The following TANGO6 variants were observed in gnomAD, a reference collection of about 807,000 sequenced individuals.
The protein encoded by TANGO6 is transport and Golgi organization protein 6 homolog.
In TANGO6, 90 loss-of-function variants were observed where a neutral mutation model predicts 114.2. The observed-to-expected ratio is 0.79, with a 90% CI of 0.66 to 0.94. The LOEUF (loss-of-function observed/expected upper bound fraction) is 0.94. TANGO6 is among the 40% of genes least tolerant of loss of function. The pLI is 0.00. For synonymous variants in TANGO6, 477 were observed against 509.8 expected (o/e 0.94, Z 0.87); for missense variants, 1,274 against 1,315.3 (o/e 0.97, Z 0.49).
intron 15 of TANGO6, among the ~76,000 whole-genome samples, chr16:68,994,285 AG>A (rs1163765305): frequency 2.6e-5 from 4 of 152,182 alleles, no homozygotes; most frequent in Non-Finnish European, 5.9e-5. Flanking sequence ...TGTTTTCTGA[AG>A]AAACAGAAAG....
chr16:69,020,885 C>T (rs1045345264), intron 15 of TANGO6, among the ~76,000 whole-genome samples: 2 of 141,912 alleles, frequency 1.4e-5, no homozygotes, highest in South Asian at 4.5e-4. Flanking sequence ...AGACCCACCC[C>T]CCCTTTATAT....
chr16:68,962,088 A>G (rs1963598375), intron 14 of TANGO6, among the ~76,000 whole-genome samples: 1 of 152,230 alleles, frequency 6.6e-6, no homozygotes, highest in Admixed American at 6.6e-5. Context: ...TGCTAGACGT[A>G]ATCATTTACT....
chr16:69,017,504 A>G (rs1264416874), intron 15 of TANGO6, among the ~76,000 whole-genome samples: 1 of 151,976 alleles, frequency 6.6e-6, no homozygotes, highest in Non-Finnish European at 1.5e-5. Context: ...TTCATTTTTT[A>G]TGTGCCTTCC....
chr16:68,925,858 G>GA (rs1963159728), intron 12 of TANGO6, among the ~76,000 whole-genome samples: 1 of 71,146 alleles, frequency 1.4e-5, no homozygotes, highest in Non-Finnish European at 2.4e-5. Flanking sequence ...ACCATTTGTT[G>GA]AAAAAACTGT....
intron 7 of TANGO6, among the ~76,000 whole-genome samples, chr16:68,890,495 T>C (rs1962597678): frequency 6.6e-6 from 1 of 152,216 alleles, no homozygotes; most frequent in Non-Finnish European, 1.5e-5. Flanking sequence ...TATCCAAGTT[T>C]CCTGACTACT....
intron 7 of TANGO6, among the ~76,000 whole-genome samples, chr16:68,887,073 G>A (rs1962549139): frequency 6.6e-6 from 1 of 152,240 alleles, no homozygotes; most frequent in African/African-American, 2.4e-5. Flanking sequence ...CTCCCATAGT[G>A]CTGGGATTAC....
At chr16:69,050,126 C>A (rs1959924773) in intron 17 of TANGO6, among the ~76,000 whole-genome samples, 1 of 151,652 alleles carries the variant, frequency 6.6e-6, no homozygotes, top group South Asian at 2.1e-4. Flanking sequence ...TATGGTAATT[C>A]TGTGTTTAAC....
chr16:68,982,949 G>T lies in TANGO6; in HGVS notation c.2842+8781G>T, dbSNP rs552354162. On this transcript the variant is annotated intron_variant, in intron 15 of 17. Coordinates refer to ENST00000261778, the MANE Select transcript of TANGO6 (RefSeq NM_024562.2). ...AAGGGATCAGAAGAGAAAATGAAGTGTTTTTTTTTTAAATACTTGGTTGCT... is the reference window on the plus strand; with the variant it reads ...AAGGGATCAGAAGAGAAAATGAAGTTTTTTTTTTTTAAATACTTGGTTGCT... 6.7e-5 allele frequency among the ~76,000 whole-genome samples: 10 copies of T among 148,226 alleles called. No individual in the cohort carries two copies. The Middle Eastern group carries it at 0.011, about 157-fold the overall frequency.
At chr16:68,931,662 T>C (rs1963241559) in intron 14 of TANGO6, among the ~76,000 whole-genome samples, 1 of 152,234 alleles carries the variant, frequency 6.6e-6, no homozygotes, top group African/African-American at 2.4e-5. Flanking sequence ...ATATTTTATA[T>C]GATTCCAGTT....
rs569539878 is a variant in TANGO6 at position 68,878,271 on chromosome 16, A to G, written c.1285A>G (p.Asn429Asp). The change falls in exon 6 of 18, where the codon AAT (asparagine) becomes GAT (aspartate). Residue 429 changes from asparagine to aspartate, a missense_variant. Transcript: ENST00000261778. ...GTTAGCTCCTCTTCATCGATGTTTG[A>G]ATACAGCAGGTAAAGGAGGAAGTGT... Reference protein sequence around the residue: ...PVLAPLHRCLNTAELSESDMV... With the variant: ...PVLAPLHRCLDTAELSESDMV... 6.2e-7 allele frequency: 1 copy of G among 1,603,304 alleles called. No homozygotes were observed. The highest frequency in any genetic ancestry group is 1.1e-5 in the South Asian group (1 of 87,790).
chr16:68,941,133 C>A (rs1963348741), intron 14 of TANGO6, among the ~76,000 whole-genome samples: 1 of 152,026 alleles, frequency 6.6e-6, no homozygotes, highest in South Asian at 2.1e-4. Flanking sequence ...ATGTAAATAA[C>A]CATATTGTCC....
chr16:69,040,529 A>G, intron 17 of TANGO6, 108 bp downstream of exon 17: 1 of 818,470 alleles, frequency 1.2e-6, no homozygotes, highest in Non-Finnish European at 2.0e-6. Context: ...CGATGGATTC[A>G]TCCAAATGAA....
At chr16:69,047,691 A>G (rs1959885226) in intron 17 of TANGO6, among the ~76,000 whole-genome samples, 1 of 152,178 alleles carries the variant, frequency 6.6e-6, no homozygotes, top group African/African-American at 2.4e-5. Flanking sequence ...TTGGGGGTTG[A>G]TTTATCAAGG....
intron 11 of TANGO6, among the ~76,000 whole-genome samples, chr16:68,917,613 G>T (rs1471877186): frequency 6.6e-6 from 1 of 152,120 alleles, no homozygotes; most frequent in Non-Finnish European, 1.5e-5. Context: ...ATTCTATTAG[G>T]TGTGTAACAG....
At chr16:68,941,196 G>GA (rs1197758991) in intron 14 of TANGO6, among the ~76,000 whole-genome samples, 2 of 152,018 alleles carry the variant, frequency 1.3e-5, no homozygotes, top group African/African-American at 4.8e-5. Flanking sequence ...GTAAGGAAAA[G>GA]AAAAAACATG....
intron 15 of TANGO6, among the ~76,000 whole-genome samples, chr16:68,992,368 C>CT (rs1321538890): frequency 6.6e-6 from 1 of 152,096 alleles, no homozygotes; most frequent in Non-Finnish European, 1.5e-5. Context: ...TATATAACTT[C>CT]TTTGTTCCTT....
chr16:69,078,086 TAA>T lies in TANGO6; in HGVS notation c.3109-5398_3109-5397del, dbSNP rs142235358. 7.3e-3 allele frequency among the ~76,000 whole-genome samples: 1,103 copies of T among 152,122 alleles called. 11 individuals are homozygous for T. Among genetic ancestry groups the T allele is most frequent in the Non-Finnish European group, 0.012 (784 of 67,998 alleles). On this transcript the variant is annotated intron_variant, in intron 17 of 17. Coordinates refer to ENST00000261778, the MANE Select transcript of TANGO6 (RefSeq NM_024562.2). ...GAAAGAATCCCGGAGGCCAAGGGTA[TAA>T]GAGTCCTAGGAAGAGGAAGCAAAAT...
chr16:68,894,465 A>AT (rs1567533968), intron 7 of TANGO6, among the ~76,000 whole-genome samples: 1 of 152,098 alleles, frequency 6.6e-6, no homozygotes, highest in Non-Finnish European at 1.5e-5. Flanking sequence ...AGGGAGCTGT[A>AT]TAAGTAGGAG....
intron 17 of TANGO6, among the ~76,000 whole-genome samples, chr16:69,044,796 T>G (rs1291278727): frequency 1.3e-5 from 2 of 152,098 alleles, no homozygotes; most frequent in African/African-American, 4.8e-5. Context: ...GGCACGAGAT[T>G]GCTTGAGCTC....
Sources: gnomAD v4.1 joint callset for allele counts (sites outside exome capture counted in the v4.1 genomes callset) on GRCh38, gnomAD v4.1.1 for gene constraint, MANE v1.5 for transcripts, NCBI Gene and HGNC (gene_info 2026-07-23, HGNC 2026-07-21) for gene names.